MAP2K5: variants seen among roughly 807,000 people sequenced by gnomAD.
The protein encoded by MAP2K5 is dual specificity mitogen-activated protein kinase kinase 5.
MAP2K5 carries 49 observed loss-of-function variants against 83.1 expected under a neutral mutation model. The observed-to-expected ratio is 0.59, with a 90% CI of 0.47 to 0.75. The LOEUF (loss-of-function observed/expected upper bound fraction) is 0.75. Among genes scored for constraint, MAP2K5 ranks in the 30% least tolerant of loss-of-function variants. The pLI is 0.00. For synonymous variants in MAP2K5, 202 were observed against 191.8 expected (o/e 1.05, Z -0.44); for missense variants, 457 against 557.5 (o/e 0.82, Z 1.82).
rs180798132 is a variant in MAP2K5, at chr15:67,777,742, T to C, written c.1242+4990T>C. ...TTACTATACTGCTTTAGTAATTGTTTAAAAACATGGGTTTTCTCCTTAGGT... is the reference window on the plus strand; with the variant it reads ...TTACTATACTGCTTTAGTAATTGTTCAAAAACATGGGTTTTCTCCTTAGGT... On this transcript the variant is annotated intron_variant, in intron 21 of 21. Transcript: ENST00000178640. The surrounding 1 kb of genome is among the most constrained non-coding windows in gnomAD (Gnocchi z 6.0). Among the ~76,000 whole-genome samples the C allele has an allele frequency of 2.7e-4, 41 of 152,358 alleles. No homozygotes were observed. Among genetic ancestry groups the C allele is most frequent in the African/African-American group, 7.9e-4 (33 of 41,580 alleles).
In MAP2K5 at chr15:67,616,527, A is replaced by G. The variant is rs905087474; in HGVS notation, c.546-14361A>G. On this transcript the variant is annotated intron_variant, in intron 8 of 21. Transcript: ENST00000178640. ...TTCAGAGAATAGAGAATCAGGGAATACAGGATATCTCACAAGCTGTGAAAT... is the reference window on the plus strand; with the variant it reads ...TTCAGAGAATAGAGAATCAGGGAATGCAGGATATCTCACAAGCTGTGAAAT... 3.2e-4 allele frequency among the ~76,000 whole-genome samples: 49 copies of G among 152,240 alleles called. 1 individual carries two copies. The highest frequency in any genetic ancestry group is 1.1e-3 in the African/African-American group (47 of 41,468).
Position 67,778,853 on chromosome 15 carries a change from G to A in MAP2K5, c.1242+6101G>A, listed in dbSNP as rs1430780819. Among the ~76,000 whole-genome samples, 1 of 152,176 alleles carries A rather than the reference G, an allele frequency of 6.6e-6. No individual in the cohort carries two copies. Among genetic ancestry groups the A allele is most frequent in the Non-Finnish European group, 1.5e-5 (1 of 68,034 alleles). ...AAGGTGCATTTCCATAGCCCCCTTA[G>A]AGAGTGCTCATCCACCCTGTGCTTG... On this transcript the variant is annotated intron_variant, in intron 21 of 21. Transcript: ENST00000178640. The surrounding 1 kb of genome is among the most constrained non-coding windows in gnomAD (Gnocchi z 5.0).
chr15:67,592,979 G>A lies in MAP2K5; in HGVS notation c.480+5G>A. 2 of 1,575,954 alleles carry A rather than the reference G, an allele frequency of 1.3e-6. No homozygotes were observed. Among genetic ancestry groups the A allele is most frequent in the South Asian group, 1.1e-5 (1 of 87,640 alleles). On this transcript the variant is annotated splice_donor_5th_base_variant and intron_variant, in intron 7 of 21. Coordinates refer to ENST00000178640, the MANE Select transcript of MAP2K5 (RefSeq NM_145160.3). ...AAAATACTAGCCAATGGCCAGGTAG[G>A]TATTATTATATATTAAGATTTTCAC...
At chr15:67,787,331 A>G (rs1423276963) in intron 21 of MAP2K5, among the ~76,000 whole-genome samples, 1 of 152,236 alleles carries the variant, frequency 6.6e-6, no homozygotes, top group Admixed American at 6.5e-5. Flanking sequence ...CTCTTTCTGC[A>G]TCTTCTTTTC....
intron 9 of MAP2K5, chr15:67,642,618 C>T (rs779030678): frequency 1.4e-6 from 1 of 703,668 alleles, no homozygotes; most frequent in East Asian, 2.6e-5. Context: ...ACAGCAGGAG[C>T]AAAGGCTGTA....
chr15:67,645,850 C>A (rs928971407), intron 9 of MAP2K5, among the ~76,000 whole-genome samples: 3 of 152,126 alleles, frequency 2.0e-5, no homozygotes, highest in Non-Finnish European at 4.4e-5. Flanking sequence ...TGCCACTGCA[C>A]GTAGCCAACA....
chr15:67,755,649 T>A lies in MAP2K5; in HGVS notation c.1134+7048T>A, dbSNP rs938632645. Among the ~76,000 whole-genome samples, 1 of 152,174 alleles carries A rather than the reference T, an allele frequency of 6.6e-6. No homozygotes were observed. The highest frequency in any genetic ancestry group is 1.5e-5 in the Non-Finnish European group (1 of 68,032). On this transcript the variant is annotated intron_variant, in intron 19 of 21. Transcript: ENST00000178640. This position sits in a 1 kb window ranked among gnomAD's most constrained non-coding sequence, Gnocchi z 4.7. The stretch of plus-strand genomic sequence containing the variant: ...GATGATTGTCCCTATTCATAATGAT[T>A]CTTTTTAGTACCACCATAATGATGT...
intron 16 of MAP2K5, among the ~76,000 whole-genome samples, chr15:67,707,616 T>C (rs1457586188): frequency 1.3e-5 from 2 of 152,180 alleles, no homozygotes; most frequent in Admixed American, 1.3e-4. Flanking sequence ...AAAAGAAAGA[T>C]ACCCAAAGCC....
At chr15:67,557,995 G>A (rs1358246525) in intron 2 of MAP2K5, among the ~76,000 whole-genome samples, 2 of 152,146 alleles carry the variant, frequency 1.3e-5, no homozygotes, top group South Asian at 2.1e-4. Flanking sequence ...AGAATTTGGG[G>A]CAAAATAAGA....
intron 7 of MAP2K5, among the ~76,000 whole-genome samples, chr15:67,593,790 C>G (rs2085466601): frequency 6.6e-6 from 1 of 152,242 alleles, no homozygotes; most frequent in Non-Finnish European, 1.5e-5. Context: ...CTGCTGTTCA[C>G]TTCCCGTCCA....
At position 67,665,290 on chromosome 15, in the gene MAP2K5, G is replaced by A. The variant is rs1158412905; in HGVS notation, c.847+645G>A. Among the ~76,000 whole-genome samples the A allele has an allele frequency of 6.6e-6, 1 of 152,102 alleles. No homozygotes were observed. The highest frequency in any genetic ancestry group is 1.5e-5 in the Non-Finnish European group (1 of 68,008). On this transcript the variant is annotated intron_variant, in intron 13 of 21. Coordinates refer to ENST00000178640, the MANE Select transcript of MAP2K5 (RefSeq NM_145160.3). The surrounding 1 kb of genome is among the most constrained non-coding windows in gnomAD (Gnocchi z 4.2). Reference sequence around the variant, plus strand: ...AGATGAGTGTTGAATATTGCAAAAGGAATCTCCTTTTGTTTTTTTAATGTT... The same window carrying A: ...AGATGAGTGTTGAATATTGCAAAAGAAATCTCCTTTTGTTTTTTTAATGTT...
At chr15:67,607,117 TTTGA>T (rs2085794499) in intron 8 of MAP2K5, among the ~76,000 whole-genome samples, 1 of 152,200 alleles carries the variant, frequency 6.6e-6, no homozygotes, top group Non-Finnish European at 1.5e-5. Flanking sequence ...AGAATGATGG[TTTGA>T]TTTATTTTGA....
At chr15:67,791,642 C>T (rs2090520805) in intron 21 of MAP2K5, among the ~76,000 whole-genome samples, 1 of 152,164 alleles carries the variant, frequency 6.6e-6, no homozygotes, top group African/African-American at 2.4e-5. Context: ...CAAATCCCAG[C>T]TCTACCTTGG....
At chr15:67,788,886 C>T (rs972921346) in intron 21 of MAP2K5, among the ~76,000 whole-genome samples, 1 of 150,896 alleles carries the variant, frequency 6.6e-6, no homozygotes, top group Non-Finnish European at 1.5e-5. Flanking sequence ...GTGAGAGGAT[C>T]ACTTGAGCCC....
In MAP2K5 at chr15:67,703,325, G is replaced by T; in HGVS notation, c.973-12G>T. The T allele has an allele frequency of 6.2e-7, 1 of 1,609,714 alleles. No homozygotes were observed. The highest frequency in any genetic ancestry group is 1.1e-5 in the South Asian group (1 of 90,868). On this transcript the variant is annotated splice_polypyrimidine_tract_variant and intron_variant, in intron 15 of 21. Transcript: ENST00000178640. ...TCCGTCCACTCACAGGCTCCCTTCT[G>T]ATTTCTTGCAGCCTGAAAGGATTTC...
rs145551957 is a variant in MAP2K5, at chr15:67,554,357, C to A, written c.184+4275C>A. Among the ~76,000 whole-genome samples, 640 of 152,218 alleles carry A rather than the reference C, an allele frequency of 4.2e-3. 2 individuals are homozygous for A. Among genetic ancestry groups the A allele is most frequent in the Admixed American group, 6.9e-3 (105 of 15,294 alleles). The stretch of plus-strand genomic sequence containing the variant: ...TACAGGTGTGAGCCACCGCACCTGG[C>A]CTTATAGTAATACATTTAATACTGA... On this transcript the variant is annotated intron_variant, in intron 2 of 21. Transcript: ENST00000178640.
In MAP2K5 at chr15:67,764,405, T is replaced by C. The variant is rs956494265; in HGVS notation, c.1135-5197T>C. Among the ~76,000 whole-genome samples the C allele has an allele frequency of 6.6e-6, 1 of 152,200 alleles. No individual in the cohort carries two copies. The highest frequency in any genetic ancestry group is 2.4e-5 in the African/African-American group (1 of 41,472). The stretch of plus-strand genomic sequence containing the variant: ...GCAGACTCTTTTACTTTATGCCCCA[T>C]GACCCTCGTTTGTGAACTCGCGTCT... On this transcript the variant is annotated intron_variant, in intron 19 of 21. Coordinates refer to ENST00000178640, the MANE Select transcript of MAP2K5 (RefSeq NM_145160.3). The surrounding 1 kb of genome is among the most constrained non-coding windows in gnomAD (Gnocchi z 4.9).
At chr15:67,670,472 A>G (rs906720173) in intron 13 of MAP2K5, 3 of 454,624 alleles carry the variant, frequency 6.6e-6, no homozygotes, top group Non-Finnish European at 1.3e-5. Flanking sequence ...CTGTGTATAA[A>G]TTATGCCTCA....
At chr15:67,657,263 T>C (rs1260527435) in intron 11 of MAP2K5, among the ~76,000 whole-genome samples, 1 of 152,210 alleles carries the variant, frequency 6.6e-6, no homozygotes, top group Non-Finnish European at 1.5e-5. Context: ...GTAAATCTCC[T>C]CTTAGAAGTT....
Sources: allele counts gnomAD v4.1 joint callset (sites outside exome capture counted in the v4.1 genomes callset), GRCh38; gene constraint gnomAD v4.1.1; non-coding constraint Gnocchi (gnomAD v3.1); transcripts MANE v1.5; gene names NCBI Gene and HGNC (gene_info 2026-07-23, HGNC 2026-07-21).